The following SLC12A7 variants were observed in gnomAD, a reference collection of about 807,000 sequenced individuals.
The protein encoded by SLC12A7 is solute carrier family 12 member 7.
SLC12A7 carries 100 observed loss-of-function variants against 120.6 expected under a neutral mutation model. That is an observed-to-expected ratio of 0.83 (90% CI 0.71 to 0.98). The LOEUF (loss-of-function observed/expected upper bound fraction) is 0.98, where lower values mean the gene tolerates loss of function less well. Among genes scored for constraint, SLC12A7 ranks in the 50% least tolerant of loss-of-function variants. The pLI is 0.00. For synonymous variants in SLC12A7, 760 were observed against 678.0 expected, an observed-to-expected ratio of 1.12 and a Z score of -1.88; for missense variants, 1,373 against 1,548.1, an observed-to-expected ratio of 0.89 and a Z score of 1.90.
At chr5:1,137,901 A>G in the SLC12A7 span, among the ~76,000 whole-genome samples, 3 of 152,170 alleles carry the variant, frequency 2.0e-5, no homozygotes, top group African/African-American at 7.2e-5. Context: ...AGCGCTGTGG[A>G]AGACACCCTA....
At chr5:1,059,162 C>T (rs373138002) in intron 21 of SLC12A7, among the ~76,000 whole-genome samples, 3 of 152,238 alleles carry the variant, frequency 2.0e-5, no homozygotes, top group African/African-American at 4.8e-5. Flanking sequence ...CCCGGCTGCC[C>T]GGACCCCCGT....
At chr5:1,067,437 C>T (rs139002614) in intron 17 of SLC12A7, among the ~76,000 whole-genome samples, 1,704 of 152,338 alleles carry the variant, frequency 0.011, 31 homozygotes, top group African/African-American at 0.039. Flanking sequence ...ACACAGCAGC[C>T]CCTTTATGCG....
intron 1 of SLC12A7, among the ~76,000 whole-genome samples, chr5:1,097,171 C>G (rs895824770): frequency 3.9e-5 from 6 of 152,174 alleles, no homozygotes. Flanking sequence ...TAGCATGTAA[C>G]TATGTCTGCG....
chr5:1,065,387 A>AC lies in SLC12A7; in HGVS notation c.2332_2333insG (p.Ile778SerfsTer138), dbSNP rs768134717. On this transcript the variant is annotated frameshift_variant, in exon 18 of 24. Transcript: ENST00000264930. LOFTEE classifies it high-confidence loss of function. ...CAGGCCGCCCAGGCCGGCCGACTGG[A>AC]TCAGGTGGGACATGCCATCCCGCAG... 6.2e-7 allele frequency: 1 copy of AC among 1,612,714 alleles called. No individual in the cohort carries two copies. The highest frequency in any genetic ancestry group is 1.1e-5 in the South Asian group (1 of 91,054).
chr5:1,108,847 A>G (rs1375446032), intron 1 of SLC12A7, among the ~76,000 whole-genome samples: 1 of 152,066 alleles, frequency 6.6e-6, no homozygotes, highest in Non-Finnish European at 1.5e-5. Flanking sequence ...TTGGAGCAGG[A>G]GGGACGGGCA....
intron 1 of SLC12A7, among the ~76,000 whole-genome samples, chr5:1,095,032 CGG>C (rs1400158644): frequency 7.8e-5 from 5 of 64,350 alleles, no homozygotes; most frequent in African/African-American, 3.4e-4. Context: ...CGGTAGGAGG[CGG>C]GGGGCCGGTA....
Position 1,077,912 on chromosome 5 carries a change from C to T in SLC12A7, c.1550G>A (p.Gly517Asp), listed in dbSNP as rs1424989130. Residue 517 changes from glycine to aspartate, a missense_variant, in exon 12 of 24, where the codon GGT becomes GAT. Gly to Asp is a moderately conservative substitution (Grantham distance 94). Transcript: ENST00000264930. ...IVIGSFFSTC[G>D]AGLQSLTGAP... is the part of the protein sequence containing the mutation. ...CCCCGTGAGGCTCTGCAGGCCGGCA[C>T]CGCAGGTGGAGAAGAAGGAGCCGAT... The T allele has an allele frequency of 3.7e-6, 6 of 1,600,160 alleles. No individual in the cohort carries two copies. Among genetic ancestry groups the T allele is most frequent in the African/African-American group, 1.3e-5 (1 of 74,636 alleles).
At position 1,088,244 on chromosome 5, in the gene SLC12A7, G is replaced by A. The variant is rs573524128; in HGVS notation, c.544+62C>T. ...GCCAAGCGGCCTCCTCGCGGTTGCC[G>A]TGCGGCAAAACACAGACTCCTCTAA... On this transcript the variant is annotated intron_variant, in intron 5 of 23. Coordinates refer to ENST00000264930, the MANE Select transcript of SLC12A7 (RefSeq NM_006598.3). 38 of 1,528,612 alleles carry A rather than the reference G, an allele frequency of 2.5e-5. 1 individual carries two copies. The East Asian group carries it at 3.2e-4, about 13-fold the overall frequency. The allele number at this position is 1,528,612 out of a possible 1,614,324, so 94.7% of individuals were successfully genotyped here.
At chr5:1,068,712 C>T (rs1404784453) in intron 17 of SLC12A7, among the ~76,000 whole-genome samples, 5 of 152,278 alleles carry the variant, frequency 3.3e-5, no homozygotes, top group Admixed American at 3.3e-4. Context: ...CCCAGACCCC[C>T]CAGCCGAAGG....
chr5:1,150,603 A>C, the SLC12A7 span, among the ~76,000 whole-genome samples: 1 of 152,266 alleles, frequency 6.6e-6, no homozygotes, highest in South Asian at 2.1e-4. Flanking sequence ...ACTAAATAGC[A>C]AAGAACAGAA....
chr5:1,107,723 G>A (rs1358421298), intron 1 of SLC12A7, among the ~76,000 whole-genome samples: 1 of 152,192 alleles, frequency 6.6e-6, no homozygotes, highest in Non-Finnish European at 1.5e-5. Context: ...GGTGTCCAAC[G>A]CTAGACAGAA....
At chr5:1,132,077 A>C in the SLC12A7 span, among the ~76,000 whole-genome samples, 1 of 152,208 alleles carries the variant, frequency 6.6e-6, no homozygotes, top group Non-Finnish European at 1.5e-5. Context: ...CCTTATTAAT[A>C]AAACAAGTTG....
intron 7 of SLC12A7, 125 bp downstream of exon 7, chr5:1,085,107 G>T: frequency 7.3e-7 from 1 of 1,369,352 alleles, no homozygotes. Flanking sequence ...TCCCGCCACG[G>T]TCACACCCAG....
the SLC12A7 span, among the ~76,000 whole-genome samples, chr5:1,122,160 G>A: frequency 5.3e-5 from 8 of 152,340 alleles, no homozygotes; most frequent in South Asian, 1.0e-3. Flanking sequence ...GGTGTGGGGG[G>A]ACACTGTCCT....
intron 8 of SLC12A7, 76 bp downstream of exon 8, chr5:1,083,669 G>T: frequency 1.4e-6 from 2 of 1,463,620 alleles, no homozygotes; most frequent in East Asian, 2.3e-5. Context: ...TGACTCTAAG[G>T]CGAGAGCAGC....
intron 20 of SLC12A7, among the ~76,000 whole-genome samples, chr5:1,061,020 CCGCCG>C (rs1736146734): frequency 2.7e-5 from 4 of 149,158 alleles, no homozygotes; most frequent in African/African-American, 1.0e-4. Context: ...TGAGTCTCAC[CCGCCG>C]CACCCGCCGT....
intron 1 of SLC12A7, among the ~76,000 whole-genome samples, chr5:1,106,966 C>T (rs951551697): frequency 6.6e-6 from 1 of 152,186 alleles, no homozygotes; most frequent in African/African-American, 2.4e-5. Context: ...CGGAGGCAAA[C>T]GCACACCTCA....
At chr5:1,099,778 A>G (rs1019589497) in intron 1 of SLC12A7, among the ~76,000 whole-genome samples, 10 of 152,168 alleles carry the variant, frequency 6.6e-5, no homozygotes, top group Admixed American at 1.3e-4. Flanking sequence ...CGCCAAGCTC[A>G]TGGTCTCCCC....
rs6895800 is a variant in SLC12A7 at position 1,074,245 on chromosome 5, A to G, written c.2072+322T>C. Among the ~76,000 whole-genome samples the G allele has an allele frequency of 0.95, 144,867 of 151,786 alleles. 69,498 individuals are homozygous for G. Among genetic ancestry groups the G allele is most frequent in the Non-Finnish European group, 1 (67,722 of 67,808 alleles). On this transcript the variant is annotated intron_variant, in intron 16 of 23. Transcript: ENST00000264930. ...GAGGGGACAATGGCCCGGGGCACAC[A>G]CCTGAGGCCCCCGCCGAGGCCCTGA...
Sources: allele counts gnomAD v4.1 joint callset (sites outside exome capture counted in the v4.1 genomes callset), GRCh38; gene constraint gnomAD v4.1.1; transcripts MANE v1.5; gene names NCBI Gene and HGNC (gene_info 2026-07-23, HGNC 2026-07-21).